The following MAGI2 variants were observed in gnomAD, a reference collection of about 807,000 sequenced individuals.
MAGI2 encodes membrane-associated guanylate kinase, WW and PDZ domain-containing protein 2.
In MAGI2, 35 loss-of-function variants were observed where a neutral mutation model predicts 133.3. The observed-to-expected ratio is 0.26, with a 90% CI of 0.20 to 0.35. The LOEUF (loss-of-function observed/expected upper bound fraction) is 0.35, where lower values mean the gene tolerates loss of function less well. MAGI2 is among the 10% of genes least tolerant of loss of function. The pLI, the probability that MAGI2 is intolerant of heterozygous loss-of-function variation, is 1.00. For missense variants in MAGI2, 1,636 were observed against 1,863.4 expected (o/e 0.88, Z 2.25); for synonymous variants, 729 against 710.6 (o/e 1.03, Z -0.41).
chr7:78,747,074 C>G (rs1022932374), intron 2 of MAGI2, among the ~76,000 whole-genome samples: 1 of 152,104 alleles, frequency 6.6e-6, no homozygotes, highest in African/African-American at 2.4e-5. Context: ...TCACAGCCAG[C>G]CAGGTCAGCG....
At chr7:78,382,080 A>C (rs370132649) in intron 6 of MAGI2, among the ~76,000 whole-genome samples, 1 of 152,226 alleles carries the variant, frequency 6.6e-6, no homozygotes, top group African/African-American at 2.4e-5. Flanking sequence ...TGTACATGAT[A>C]TGTGCAGACA....
intron 6 of MAGI2, among the ~76,000 whole-genome samples, chr7:78,483,630 T>G (rs1792660116): frequency 6.6e-6 from 1 of 151,824 alleles, no homozygotes; most frequent in South Asian, 2.1e-4. Context: ...TAAATTGTAT[T>G]ATTTCCTCCA....
At chr7:78,065,150 G>T (rs938353969) in intron 21 of MAGI2, among the ~76,000 whole-genome samples, 5 of 152,156 alleles carry the variant, frequency 3.3e-5, no homozygotes, top group African/African-American at 1.2e-4. Flanking sequence ...AGTTTCTAGG[G>T]CTAGAAGGTC....
intron 10 of MAGI2, among the ~76,000 whole-genome samples, chr7:78,226,864 CACA>C (rs1789441650): frequency 6.6e-6 from 1 of 152,162 alleles, no homozygotes; most frequent in African/African-American, 2.4e-5. Context: ...TGGACATTTG[CACA>C]ACAAGGCTGA....
chr7:78,489,004 G>A (rs1793336468), intron 6 of MAGI2, among the ~76,000 whole-genome samples: 2 of 152,072 alleles, frequency 1.3e-5, no homozygotes, highest in Non-Finnish European at 2.9e-5. Context: ...TGTGATTGTG[G>A]TCAAATAATA....
At chr7:79,052,585 C>T (rs140577601) in intron 1 of MAGI2, among the ~76,000 whole-genome samples, 62 of 152,234 alleles carry the variant, frequency 4.1e-4, no homozygotes, top group South Asian at 2.1e-3. Flanking sequence ...AACTTGACCG[C>T]GTCGCTTGCT....
At chr7:78,636,975 C>A (rs1809730039) in intron 2 of MAGI2, among the ~76,000 whole-genome samples, 1 of 152,124 alleles carries the variant, frequency 6.6e-6, no homozygotes, top group Non-Finnish European at 1.5e-5. Flanking sequence ...AGTTTTCAGG[C>A]GATGCCTCTG....
At chr7:79,390,697 G>A (rs560727175) in intron 1 of MAGI2, among the ~76,000 whole-genome samples, 17 of 152,230 alleles carry the variant, frequency 1.1e-4, no homozygotes, top group South Asian at 2.1e-4. Flanking sequence ...GCAGAGTTCC[G>A]TGCAATCCCC....
At chr7:78,495,730 C>T (rs1037060724) in intron 5 of MAGI2, among the ~76,000 whole-genome samples, 4 of 152,078 alleles carry the variant, frequency 2.6e-5, no homozygotes, top group African/African-American at 9.7e-5. Context: ...TTTGCATTTG[C>T]CATTTTATCT....
chr7:79,366,059 T>C (rs1159008011), intron 1 of MAGI2, among the ~76,000 whole-genome samples: 1 of 150,530 alleles, frequency 6.6e-6, no homozygotes, highest in Non-Finnish European at 1.5e-5. Context: ...CTGGGCAACA[T>C]GGTGAAACCC....
At chr7:78,846,827 T>A (rs1349024280) in intron 2 of MAGI2, among the ~76,000 whole-genome samples, 2 of 151,972 alleles carry the variant, frequency 1.3e-5, no homozygotes, top group Non-Finnish European at 2.9e-5. Flanking sequence ...ACTGAAACTC[T>A]ATGGGATGAA....
chr7:78,780,584 C>T (rs1268718600), intron 2 of MAGI2, among the ~76,000 whole-genome samples: 2 of 152,068 alleles, frequency 1.3e-5, no homozygotes, highest in Non-Finnish European at 2.9e-5. Context: ...AAAACAAAAC[C>T]CCATGCTCCC....
chr7:78,067,957 T>G (rs1337517837), intron 21 of MAGI2, among the ~76,000 whole-genome samples: 1 of 151,350 alleles, frequency 6.6e-6, no homozygotes, highest in East Asian at 1.9e-4. Flanking sequence ...GCACAGAGGG[T>G]TTTTAGGGCA....
intron 11 of MAGI2, among the ~76,000 whole-genome samples, chr7:78,199,518 A>G (rs894972386): frequency 1.3e-5 from 2 of 152,238 alleles, no homozygotes; most frequent in Non-Finnish European, 2.9e-5. Flanking sequence ...TGAGACTGAT[A>G]GCTTACGTAG....
At chr7:78,431,175 T>C (rs1233176767) in intron 6 of MAGI2, among the ~76,000 whole-genome samples, 1 of 151,976 alleles carries the variant, frequency 6.6e-6, no homozygotes, top group Non-Finnish European at 1.5e-5. Flanking sequence ...TTCAGTGAAC[T>C]TTTGATTAGC....
chr7:78,533,935 T>C (rs981664556), intron 3 of MAGI2, among the ~76,000 whole-genome samples: 1 of 152,004 alleles, frequency 6.6e-6, no homozygotes, highest in Non-Finnish European at 1.5e-5. Context: ...AGAACCACGA[T>C]TGGGGTTGAG....
intron 1 of MAGI2, among the ~76,000 whole-genome samples, chr7:79,319,127 T>A (rs1296445458): frequency 6.6e-6 from 1 of 152,166 alleles, no homozygotes. Flanking sequence ...TTTATTCAAC[T>A]TTCTTTCCTG....
At chr7:79,031,988 A>G (rs1044426389) in intron 1 of MAGI2, among the ~76,000 whole-genome samples, 16 of 152,228 alleles carry the variant, frequency 1.1e-4, no homozygotes, top group African/African-American at 2.7e-4. Context: ...TTATGCAAAC[A>G]TATTATATTA....
In MAGI2 at chr7:78,127,369, C is replaced by T. The variant is rs775903666; in HGVS notation, c.3251G>A (p.Arg1084Gln). 33 of 1,607,926 alleles carry T rather than the reference C, an allele frequency of 2.1e-5. No homozygotes were observed. The highest frequency in any genetic ancestry group is 2.5e-5 in the Non-Finnish European group (29 of 1,179,952). Reference protein sequence around the residue: ...KARQDVKPDIRQPPFTDYRQP... With the variant: ...KARQDVKPDIQQPPFTDYRQP... Reference sequence around the variant, plus strand: ...CCTGTAGTCTGTGAATGGAGGCTGTCGGATGTCTGGTTTCACATCTTGCCT... The same window carrying T: ...CCTGTAGTCTGTGAATGGAGGCTGTTGGATGTCTGGTTTCACATCTTGCCT... The change falls in exon 19 of 22, where the codon CGA (arginine) becomes CAA (glutamine). Residue 1084 changes from arginine (R) to glutamine (Q), a missense_variant. Around this residue, in one of 5 missense-constraint regions of MAGI2, gnomAD observed 920 missense variants for 1,093.5 expected, o/e 0.84. Coordinates refer to ENST00000354212, the MANE Select transcript of MAGI2 (RefSeq NM_012301.4).
Sources: gnomAD v4.1 joint callset for allele counts (sites outside exome capture counted in the v4.1 genomes callset) on GRCh38, gnomAD v4.1.1 for gene constraint, gnomAD v4.1.1 regional missense constraint, MANE v1.5 for transcripts, NCBI Gene and HGNC (gene_info 2026-07-23, HGNC 2026-07-21) for gene names.